Variants in PHF24 observed in about 807,000 individuals in gnomAD.
PHF24 encodes PHD finger protein 24.
PHF24 carries 25 observed loss-of-function variants against 42.6 expected under a neutral mutation model. The ratio of observed to expected loss-of-function variants is 0.59; its 90% CI spans 0.43 to 0.82. PHF24 has a LOEUF of 0.82. Ranked by LOEUF, PHF24 falls within the 40% of genes least tolerant of loss-of-function variation. The probability of loss-of-function intolerance (pLI) is 0.00; values close to 1 mark genes in which losing one functional copy is unlikely to be tolerated. For missense variants in PHF24, 470 were observed against 538.1 expected (o/e 0.87, Z 1.25); for synonymous variants, 185 against 204.8 (o/e 0.90, Z 0.83).
At chr9:34,806,260 C>G in the PHF24 span, among the ~76,000 whole-genome samples, 1 of 151,872 alleles carries the variant, frequency 6.6e-6, no homozygotes, top group African/African-American at 2.4e-5. Context: ...ACAATGTCAG[C>G]TGGGATTCTG....
At chr9:34,805,762 G>T in the PHF24 span, among the ~76,000 whole-genome samples, 1 of 152,080 alleles carries the variant, frequency 6.6e-6, no homozygotes, top group Non-Finnish European at 1.5e-5. Flanking sequence ...TGCTTTTGGT[G>T]TCATATCCAA....
At chr9:34,854,637 G>T in the PHF24 span, among the ~76,000 whole-genome samples, 1 of 152,164 alleles carries the variant, frequency 6.6e-6, no homozygotes, top group Non-Finnish European at 1.5e-5. Flanking sequence ...TGTAGTATGG[G>T]AGACTGTTTG....
At chr9:34,936,991 CGCCAGGCCAG>C in the PHF24 span, among the ~76,000 whole-genome samples, 58 of 149,430 alleles carry the variant, frequency 3.9e-4, no homozygotes, top group Non-Finnish European at 8.3e-4. Context: ...GGTCAGCCCC[CGCCAGGCCAG>C]CCGCCCCGTC....
chr9:34,889,440 G>T, the PHF24 span: 5 of 398,480 alleles, frequency 1.3e-5, no homozygotes, highest in Non-Finnish European at 2.2e-5. Flanking sequence ...GTCCTCTGTT[G>T]TCTTCTGTGT....
At chr9:34,895,777 A>G in the PHF24 span, 1 of 400,064 alleles carries the variant, frequency 2.5e-6, no homozygotes, top group Non-Finnish European at 4.4e-6. Context: ...CTTAGAACCT[A>G]ATACCTCCAG....
chr9:34,897,592 G>A, the PHF24 span, among the ~76,000 whole-genome samples: 1 of 152,150 alleles, frequency 6.6e-6, no homozygotes, highest in Admixed American at 6.6e-5. Flanking sequence ...ATTAGCACAA[G>A]GGTTTCTTTT....
chr9:34,977,935 T>G lies in PHF24; in HGVS notation c.1107-80T>G, dbSNP rs916049517. ...CTCACGCGTCTTCAAACCAGCCTCCTCAAGCCATGCTGCCCCTGGGATCAG... is the reference window on the plus strand; with the variant it reads ...CTCACGCGTCTTCAAACCAGCCTCCGCAAGCCATGCTGCCCCTGGGATCAG... On this transcript the variant is annotated intron_variant, in intron 7 of 7. Transcript: ENST00000242315. 1.6e-5 allele frequency: 18 copies of G among 1,136,332 alleles called. No homozygotes were observed. The African/African-American group carries it at 2.6e-4, about 16-fold the overall frequency. 70.4% of individuals were successfully genotyped at this position (1,136,332 alleles called of 1,614,324 possible). A position where few individuals can be genotyped will look rare whatever the true frequency, so the allele number is the denominator to read the frequency against.
chr9:34,862,616 C>A, the PHF24 span, among the ~76,000 whole-genome samples: 1 of 151,988 alleles, frequency 6.6e-6, no homozygotes, highest in Non-Finnish European at 1.5e-5. Context: ...AACTAAAGAA[C>A]CTTTGGGCCT....
the PHF24 span, among the ~76,000 whole-genome samples, chr9:34,735,131 T>C: frequency 4.5e-5 from 6 of 133,098 alleles, no homozygotes; most frequent in Admixed American, 3.4e-4. Context: ...GCTTTCTTTT[T>C]TCTTTTTTTT....
the PHF24 span, chr9:34,889,172 C>T: frequency 2.5e-6 from 1 of 398,612 alleles, no homozygotes; most frequent in Non-Finnish European, 4.4e-6. Context: ...GTTCAGGAAC[C>T]TATGAACTCC....
exon 8 of PHF24, chr9:34,982,243 C>T (rs1038004659): frequency 6.6e-6 from 1 of 152,236 alleles, no homozygotes; most frequent in Non-Finnish European, 1.5e-5. Context: ...GATTAGCCTC[C>T]TGCCATCATG....
upstream of PHF24, among the ~76,000 whole-genome samples, chr9:34,956,667 C>A (rs1826381303): frequency 6.6e-6 from 1 of 152,188 alleles, no homozygotes. Context: ...AAAACACTTA[C>A]TAAAAACAGT....
At chr9:34,828,098 T>C in the PHF24 span, among the ~76,000 whole-genome samples, 1 of 151,990 alleles carries the variant, frequency 6.6e-6, no homozygotes, top group Non-Finnish European at 1.5e-5. Context: ...CCTCCTGCTT[T>C]CTAGCTTTGC....
the PHF24 span, among the ~76,000 whole-genome samples, chr9:34,818,821 G>A: frequency 6.6e-6 from 1 of 152,148 alleles, no homozygotes; most frequent in Non-Finnish European, 1.5e-5. Flanking sequence ...ACCTCAGAAT[G>A]AGTTGGCAAG....
the PHF24 span, among the ~76,000 whole-genome samples, chr9:34,906,332 C>T: frequency 6.6e-6 from 1 of 152,030 alleles, no homozygotes; most frequent in South Asian, 2.1e-4. Flanking sequence ...GAAGGGTATA[C>T]ATTGGTTCAG....
At chr9:34,733,949 G>A in the PHF24 span, among the ~76,000 whole-genome samples, 2 of 151,892 alleles carry the variant, frequency 1.3e-5, no homozygotes, top group Non-Finnish European at 2.9e-5. Context: ...ATTACACTGA[G>A]GTACATCTAA....
the PHF24 span, among the ~76,000 whole-genome samples, chr9:34,939,008 C>A: frequency 6.7e-6 from 1 of 149,804 alleles, no homozygotes; most frequent in Non-Finnish European, 1.5e-5. Flanking sequence ...TGGCCAGGTG[C>A]AGTGCCTTTC....
chr9:34,966,835 G>A (rs779756886), intron 1 of PHF24, among the ~76,000 whole-genome samples: 5 of 151,970 alleles, frequency 3.3e-5, no homozygotes, highest in Non-Finnish European at 5.9e-5. Context: ...CCGAGTAGCT[G>A]GGATTATAGG....
chr9:34,863,296 T>C, the PHF24 span, among the ~76,000 whole-genome samples: 2 of 151,920 alleles, frequency 1.3e-5, no homozygotes, highest in African/African-American at 4.8e-5. Flanking sequence ...AGCATTCAGG[T>C]AATGGTTAGA....
Sources: gnomAD v4.1 joint callset for allele counts (sites outside exome capture counted in the v4.1 genomes callset) on GRCh38, gnomAD v4.1.1 for gene constraint, MANE v1.5 for transcripts, NCBI Gene and HGNC (gene_info 2026-07-23, HGNC 2026-07-21) for gene names.